Variants in ABCA5 observed in about 807,000 individuals in gnomAD.
ABCA5 encodes the protein ATP binding cassette subfamily A member 5.
ABCA5 carries 163 observed loss-of-function variants against 206.0 expected under a neutral mutation model. That is an observed-to-expected ratio of 0.79 (90% CI 0.70 to 0.90). The LOEUF (loss-of-function observed/expected upper bound fraction) is 0.90. ABCA5 is among the 40% of genes least tolerant of loss of function. The probability of loss-of-function intolerance (pLI) is 0.00; values close to 1 mark genes in which losing one functional copy is unlikely to be tolerated. For missense variants in ABCA5, 1,859 were observed against 1,912.9 expected (o/e 0.97, Z 0.53); for synonymous variants, 609 against 613.8 (o/e 0.99, Z 0.11).
chr17:69,252,592 T>C (rs1400711250), intron 34 of ABCA5, among the ~76,000 whole-genome samples: 1 of 152,010 alleles, frequency 6.6e-6, no homozygotes, highest in Admixed American at 6.6e-5. Context: ...TCCCAGCAGT[T>C]TGGGAGGCCG....
At chr17:69,302,312 T>C (rs939756016) in intron 8 of ABCA5, among the ~76,000 whole-genome samples, 1 of 152,198 alleles carries the variant, frequency 6.6e-6, no homozygotes, top group Non-Finnish European at 1.5e-5. Context: ...ATTCCACCAC[T>C]ACACTCACGG....
intron 22 of ABCA5, chr17:69,268,796 C>T (rs934748866): frequency 6.6e-6 from 1 of 152,198 alleles, no homozygotes; most frequent in African/African-American, 2.4e-5. Context: ...TGGCACACCC[C>T]TCCATGGGAT....
At chr17:69,317,787 T>C (rs2075830559) in intron 1 of ABCA5, 1 of 152,254 alleles carries the variant, frequency 6.6e-6, no homozygotes, top group African/African-American at 2.4e-5. Flanking sequence ...TGGACCTCTA[T>C]TGGAGCTATC....
intron 22 of ABCA5, among the ~76,000 whole-genome samples, chr17:69,268,433 C>T (rs2075235786): frequency 6.6e-6 from 1 of 151,920 alleles, no homozygotes; most frequent in Non-Finnish European, 1.5e-5. Flanking sequence ...TAATAAATAT[C>T]TAAGAATGAT....
intron 28 of ABCA5, 78 bp downstream of exon 28, chr17:69,259,628 A>G: frequency 9.9e-7 from 1 of 1,013,436 alleles, no homozygotes; most frequent in Non-Finnish European, 1.4e-6. Context: ...GAAATGTTCC[A>G]AAATTATGTT....
At chr17:69,301,740 A>C (rs1180868104) in intron 8 of ABCA5, among the ~76,000 whole-genome samples, 2 of 152,218 alleles carry the variant, frequency 1.3e-5, no homozygotes, top group South Asian at 4.1e-4. Flanking sequence ...CAATTATTAA[A>C]GTATTCATAG....
intron 9 of ABCA5, 121 bp from the exon 10 acceptor site, chr17:69,297,480 A>G: frequency 3.9e-6 from 3 of 776,920 alleles, no homozygotes; most frequent in Non-Finnish European, 2.0e-6. Flanking sequence ...ACATATATAT[A>G]TTTCCAAACA....
intron 1 of ABCA5, chr17:69,319,042 T>C (rs2145051326): frequency 5.1e-6 from 2 of 392,780 alleles, no homozygotes; most frequent in South Asian, 6.4e-5. Flanking sequence ...AATTAAGTCA[T>C]GTATATTTTC....
Position 69,303,833 on chromosome 17 carries a change from T to TATAC in ABCA5, c.930+835_930+836insGTAT, listed in dbSNP as rs1156285350. ...ACATACATATATATATATGTATATATATATATACATACATATATATATGTA... is the reference window on the plus strand; with the variant it reads ...ACATACATATATATATATGTATATATATACATATATACATACATATATATATGTA... On this transcript the variant is annotated intron_variant, in intron 7 of 38. Transcript: ENST00000392676. 2.4e-4 allele frequency among the ~76,000 whole-genome samples: 6 copies of TATAC among 24,910 alleles called. 2 individuals are homozygous for TATAC. Among genetic ancestry groups the TATAC allele is most frequent in the African/African-American group, 7.4e-4 (6 of 8,162 alleles). The allele number at this position is 24,910 out of a possible 152,430, so 16.3% of individuals were successfully genotyped here.
chr17:69,274,200 C>G, intron 19 of ABCA5, 72 bp from the exon 20 acceptor site: 1 of 1,371,216 alleles, frequency 7.3e-7, no homozygotes, highest in Admixed American at 2.5e-5. Flanking sequence ...TTAAAACTCT[C>G]CCTTCACATT....
intron 1 of ABCA5, among the ~76,000 whole-genome samples, chr17:69,321,766 T>C (rs1448545358): frequency 1.4e-5 from 2 of 145,692 alleles, no homozygotes; most frequent in African/African-American, 5.0e-5. Context: ...GTTCAAAATC[T>C]AAAAAAAAAA....
Position 69,253,775 on chromosome 17 carries a change from T to C in ABCA5, c.4320+19A>G. 1 of 1,601,984 alleles carries C rather than the reference T, an allele frequency of 6.2e-7. No individual in the cohort carries two copies. The highest frequency in any genetic ancestry group is 8.5e-7 in the Non-Finnish European group (1 of 1,169,716). ...TATCAATAAAAATACAGGCATTATTTGGTGTTTAATGAAAGTACCTTTCGT... is the reference window on the plus strand; with the variant it reads ...TATCAATAAAAATACAGGCATTATTCGGTGTTTAATGAAAGTACCTTTCGT... On this transcript the variant is annotated intron_variant, in intron 33 of 38. Transcript: ENST00000392676.
At chr17:69,294,528 A>C in intron 11 of ABCA5, 127 bp downstream of exon 11, 1 of 900,924 alleles carries the variant, frequency 1.1e-6, no homozygotes, top group East Asian at 2.6e-5. Context: ...TCTCAAAAAA[A>C]ATAAAATAAA....
In ABCA5 at chr17:69,294,016, T is replaced by A. The variant is rs946695132; in HGVS notation, c.1495+639A>T. 2.0e-5 allele frequency among the ~76,000 whole-genome samples: 3 copies of A among 152,132 alleles called. No homozygotes were observed. In the East Asian group the frequency reaches 5.8e-4, roughly 29 times the overall value. ...GACCAAAATGTCAGTAGTGCTGAGG[T>A]TGAAAAACCCTACGATAGGCCAAAT... On this transcript the variant is annotated intron_variant, in intron 11 of 38. Coordinates refer to ENST00000392676, the MANE Select transcript of ABCA5 (RefSeq NM_172232.4).
intron 27 of ABCA5, 92 bp downstream of exon 27, chr17:69,260,246 G>T: frequency 1.1e-6 from 1 of 929,346 alleles, no homozygotes; most frequent in Non-Finnish European, 1.6e-6. Context: ...TCTTTTTCAT[G>T]CAACAGGATA....
rs576658683 is a variant in ABCA5, at chr17:69,261,250, C to T, written c.3439G>A (p.Ala1147Thr). 3.8e-6 allele frequency: 6 copies of T among 1,588,990 alleles called. No homozygotes were observed. In the South Asian group the frequency reaches 7.1e-5, roughly 19 times the overall value. ...GTTATTTCAGTGATTGCAATACAAG[C>T]CAACGCTGCCTAAAGAAAAAAATAA... ...WSFIYSVAAL[A>T]CIAITEITFF... The change falls in exon 26 of 39, where the codon GCT (alanine) becomes ACT (threonine). Residue 1147 changes from alanine to threonine, a missense_variant. Ala to Thr is a moderately conservative substitution (Grantham distance 58, BLOSUM62 0). Coordinates refer to ENST00000392676, the MANE Select transcript of ABCA5 (RefSeq NM_172232.4).
chr17:69,296,220 T>A (rs552496327), intron 10 of ABCA5, among the ~76,000 whole-genome samples: 103 of 152,320 alleles, frequency 6.8e-4, no homozygotes, highest in South Asian at 3.3e-3. Flanking sequence ...TTTAAGGAAA[T>A]GATTTGTTAA....
In ABCA5 at chr17:69,304,822, A is replaced by C. The variant is rs2145020792; in HGVS notation, c.789-12T>G. The C allele has an allele frequency of 6.3e-7, 1 of 1,578,656 alleles. No homozygotes were observed. Among genetic ancestry groups the C allele is most frequent in the East Asian group, 2.3e-5 (1 of 44,010 alleles). On this transcript the variant is annotated splice_polypyrimidine_tract_variant and intron_variant, in intron 6 of 38. Transcript: ENST00000392676. The stretch of plus-strand genomic sequence containing the variant: ...GAACCCAGGAAAGCCTAAAATGAGA[A>C]TACAGATATAGTTATGGTCAAATGC...
chr17:69,249,831 TA>T (rs35778224), intron 37 of ABCA5, 73 bp downstream of exon 37: 3 of 1,455,812 alleles, frequency 2.1e-6, no homozygotes, highest in Non-Finnish European at 2.8e-6. Flanking sequence ...TCTTCCAGCT[TA>T]AAAAAAGATT....
Sources: allele counts gnomAD v4.1 joint callset (sites outside exome capture counted in the v4.1 genomes callset), GRCh38; gene constraint gnomAD v4.1.1; transcripts MANE v1.5; gene names NCBI Gene and HGNC (gene_info 2026-07-23, HGNC 2026-07-21).